Variants in PRDM2 observed in about 807,000 individuals in gnomAD.
PRDM2 encodes the protein PR/SET domain 2.
A neutral mutation model predicts 130.0 loss-of-function variants in PRDM2; 30 were observed. The observed-to-expected ratio is 0.23, with a 90% CI of 0.17 to 0.31. The LOEUF is 0.31. Ranked by LOEUF, PRDM2 falls within the 10% of genes least tolerant of loss-of-function variation. The pLI is 1.00. For synonymous variants in PRDM2, 871 were observed against 782.4 expected (o/e 1.11, Z -1.89); for missense variants, 2,011 against 2,108.4 (o/e 0.95, Z 0.90).
rs372242678 is a variant in PRDM2, at chr1:13,710,887, G to C, written c.-65-4654G>C. Among the ~76,000 whole-genome samples, 9 of 152,144 alleles carry C rather than the reference G, an allele frequency of 5.9e-5. No homozygotes were observed. The South Asian group carries it at 1.9e-3, about 32-fold the overall frequency. On this transcript the variant is annotated intron_variant, in intron 1 of 9. Transcript: ENST00000311066. ...AGATCACGAGGTCAGGAGATCGAGA[G>C]CTTCCTGGCTAACACAGTGAAACTC...
intron 2 of PRDM2, among the ~76,000 whole-genome samples, chr1:13,726,793 C>T (rs568614697): frequency 6.6e-6 from 1 of 152,236 alleles, no homozygotes; most frequent in South Asian, 2.1e-4. Context: ...TTGAGGTCAG[C>T]TAATAGGGAA....
At position 13,782,578 on chromosome 1, in the gene PRDM2, G is replaced by A; in HGVS notation, c.4783G>A (p.Val1595Met). 5.6e-6 allele frequency: 9 copies of A among 1,614,196 alleles called. No individual in the cohort carries two copies. The highest frequency in any genetic ancestry group is 6.8e-6 in the Non-Finnish European group (8 of 1,180,050). ...THVEGKKPKAVAKNHSAQLSS... is the reference protein window; with the variant it reads ...THVEGKKPKAMAKNHSAQLSS... ...TGTTGAGGGGAAAAAACCTAAAGCTGTGGCCAAGAATCATTCTGCTCAGCT... is the reference window on the plus strand; with the variant it reads ...TGTTGAGGGGAAAAAACCTAAAGCTATGGCCAAGAATCATTCTGCTCAGCT... Residue 1595 changes from valine to methionine, a missense_variant, in exon 8 of 10, where the codon GTG becomes ATG. Physicochemically the swap from Val to Met is conservative, Grantham distance 21 (BLOSUM62 1). Around this residue, in one of 5 missense-constraint regions of PRDM2, gnomAD observed 410 missense variants for 395.9 expected, o/e 1.04. Transcript: ENST00000311066.
chr1:13,756,307 A>G (rs1643952056), intron 6 of PRDM2, among the ~76,000 whole-genome samples: 1 of 152,072 alleles, frequency 6.6e-6, no homozygotes, highest in South Asian at 2.1e-4. Context: ...AAATATCCCA[A>G]GAACACCATT....
In PRDM2 at chr1:13,782,194, A is replaced by C; in HGVS notation, c.4399A>C (p.Ile1467Leu). Residue 1467 changes from isoleucine (I) to leucine (L), a missense_variant, in exon 8 of 10, where the codon ATT becomes CTT. Physicochemically the swap from Ile to Leu is conservative, Grantham distance 5 (BLOSUM62 2). Coordinates refer to ENST00000311066, the MANE Select transcript of PRDM2 (RefSeq NM_001393986.1). Reference protein sequence around the residue: ...CPYCNREFTYIGSLNKHAAFS... With the variant: ...CPYCNREFTYLGSLNKHAAFS... ...TTACTGTAATCGAGAGTTCACTTACATTGGAAGCCTGAATAAACACGCCGC... is the reference window on the plus strand; with the variant it reads ...TTACTGTAATCGAGAGTTCACTTACCTTGGAAGCCTGAATAAACACGCCGC... 1.2e-6 allele frequency: 2 copies of C among 1,613,696 alleles called. No homozygotes were observed. Among genetic ancestry groups the C allele is most frequent in the African/African-American group, 1.3e-5 (1 of 74,976 alleles).
intron 2 of PRDM2, among the ~76,000 whole-genome samples, chr1:13,716,537 G>A (rs1642547463): frequency 6.6e-6 from 1 of 151,490 alleles, no homozygotes; most frequent in East Asian, 1.9e-4. Context: ...ATTTGTCCTT[G>A]AAAAACCTGT....
intron 6 of PRDM2, chr1:13,772,259 C>T (rs796265473): frequency 2.1e-4 from 32 of 152,330 alleles, no homozygotes; most frequent in African/African-American, 7.7e-4. Context: ...CTGGTTAAAT[C>T]CTAAAGAAAC....
chr1:13,807,311 C>T (rs1570103999), intron 8 of PRDM2, among the ~76,000 whole-genome samples: 1 of 152,380 alleles, frequency 6.6e-6, no homozygotes, highest in East Asian at 1.9e-4. Context: ...CACCGTTCAC[C>T]TGACAAATAG....
At chr1:13,755,208 T>C (rs1209014653) in intron 6 of PRDM2, among the ~76,000 whole-genome samples, 1 of 152,232 alleles carries the variant, frequency 6.6e-6, no homozygotes, top group Non-Finnish European at 1.5e-5. Context: ...TTTTGTGCCT[T>C]TGATTCTTAT....
At chr1:13,745,901 G>A (rs913251516) in intron 5 of PRDM2, among the ~76,000 whole-genome samples, 1 of 152,148 alleles carries the variant, frequency 6.6e-6, no homozygotes, top group African/African-American at 2.4e-5. Context: ...TTTTTTAAAA[G>A]ACCGTGCTGG....
At chr1:13,705,304 A>T (rs1642173047) in intron 1 of PRDM2, 1 of 145,646 alleles carries the variant, frequency 6.9e-6, no homozygotes, top group Non-Finnish European at 1.6e-5. Context: ...TTTCAAGAAC[A>T]TTAGTAACAT....
intron 6 of PRDM2, among the ~76,000 whole-genome samples, chr1:13,755,777 A>G (rs1172191361): frequency 6.6e-6 from 1 of 151,270 alleles, no homozygotes; most frequent in Non-Finnish European, 1.5e-5. Context: ...TAGTTATTTT[A>G]TTTTTCAATA....
intron 4 of PRDM2, among the ~76,000 whole-genome samples, chr1:13,739,203 C>T (rs942405217): frequency 5.9e-5 from 9 of 152,010 alleles, no homozygotes; most frequent in Non-Finnish European, 2.9e-5. Context: ...CCCGCCACCA[C>T]GCCCGGCTAA....
At position 13,773,132 on chromosome 1, in the gene PRDM2, A is replaced by G; in HGVS notation, c.566A>G (p.Gln189Arg). The change falls in exon 7 of 10, where the codon CAA becomes CGA. Residue 189 changes from glutamine to arginine, a missense_variant. Physicochemically the swap from Gln to Arg is conservative, Grantham distance 43. Coordinates refer to ENST00000311066, the MANE Select transcript of PRDM2 (RefSeq NM_001393986.1). The part of the protein sequence containing the change: ...KNKGNKIQDI[Q>R]LKTSEPDFTS... ...AAAGGAAACAAAATCCAAGACATACAACTGAAGACAAGTGAGCCAGATTTC... is the reference window on the plus strand; with the variant it reads ...AAAGGAAACAAAATCCAAGACATACGACTGAAGACAAGTGAGCCAGATTTC... 1 of 1,579,752 alleles carries G rather than the reference A, an allele frequency of 6.3e-7. No homozygotes were observed. The highest frequency in any genetic ancestry group is 8.6e-7 in the Non-Finnish European group (1 of 1,167,232).
At chr1:13,807,937 C>T (rs904847294) in intron 8 of PRDM2, among the ~76,000 whole-genome samples, 2 of 152,134 alleles carry the variant, frequency 1.3e-5, no homozygotes, top group African/African-American at 2.4e-5. Flanking sequence ...AATCCTTCCC[C>T]GTCCATACAG....
At chr1:13,706,776 A>G (rs1438435809) in intron 1 of PRDM2, among the ~76,000 whole-genome samples, 2 of 152,112 alleles carry the variant, frequency 1.3e-5, no homozygotes. Context: ...TTGAGGAAAT[A>G]TACATTTTTT....
intron 8 of PRDM2, among the ~76,000 whole-genome samples, chr1:13,793,292 C>A (rs992332755): frequency 3.9e-5 from 6 of 152,368 alleles, no homozygotes; most frequent in Non-Finnish European, 7.3e-5. Context: ...CAGTGAGGAT[C>A]CAATGGCTGA....
Position 13,781,966 on chromosome 1 carries a change from A to G in PRDM2, c.4171A>G (p.Lys1391Glu), listed in dbSNP as rs375296571. The G allele has an allele frequency of 1.7e-5, 27 of 1,614,086 alleles. No homozygotes were observed. In the African/African-American group the frequency reaches 3.2e-4, roughly 19 times the overall value. Residue 1391 changes from lysine (K) to glutamate (E), a missense_variant, in exon 8 of 10, where the codon AAA (lysine) becomes GAA (glutamate). By Grantham distance (56) the Lys-to-Glu change is moderately conservative. Around this residue, in one of 5 missense-constraint regions of PRDM2, gnomAD observed 229 missense variants for 364.1 expected, o/e 0.63. Coordinates refer to ENST00000311066, the MANE Select transcript of PRDM2 (RefSeq NM_001393986.1). The surrounding 1 kb of genome is among the most constrained non-coding windows in gnomAD (Gnocchi z 6.1). ...NGVVVLDNSGKNAFRRMGQPK... is the reference protein window; with the variant it reads ...NGVVVLDNSGENAFRRMGQPK... The stretch of plus-strand genomic sequence containing the variant: ...CGTGGTGGTTTTAGATAACTCTGGG[A>G]AAAATGCCTTCCGACGAATGGGACA...
At chr1:13,767,203 C>T (rs1446402465) in intron 6 of PRDM2, among the ~76,000 whole-genome samples, 1 of 151,612 alleles carries the variant, frequency 6.6e-6, no homozygotes, top group African/African-American at 2.4e-5. Context: ...GGGTTCTGTG[C>T]TGTTGACTTG....
chr1:13,736,255 GCC>G (rs1175107732), intron 4 of PRDM2, among the ~76,000 whole-genome samples: 2 of 151,672 alleles, frequency 1.3e-5, no homozygotes, highest in African/African-American at 4.8e-5. Context: ...ACAGGCCTGT[GCC>G]ACTATGCCAC....
Sources: gnomAD v4.1 joint callset for allele counts (sites outside exome capture counted in the v4.1 genomes callset) on GRCh38, gnomAD v4.1.1 for gene constraint, gnomAD v4.1.1 regional missense constraint, Gnocchi (gnomAD v3.1) non-coding constraint, MANE v1.5 for transcripts, NCBI Gene and HGNC (gene_info 2026-07-23, HGNC 2026-07-21) for gene names.